The following CUL1 variants were observed in gnomAD, a reference collection of about 807,000 sequenced individuals.
CUL1 encodes the protein cullin 1.
Under a neutral mutation model 118.0 loss-of-function variants are expected in CUL1, and 24 were observed. That is an observed-to-expected ratio of 0.20 (90% CI 0.15 to 0.29). The LOEUF (loss-of-function observed/expected upper bound fraction) is 0.29, where lower values mean the gene tolerates loss of function less well. CUL1 is among the 10% of genes least tolerant of loss of function. CUL1 has a pLI of 1.00. For synonymous variants in CUL1, 332 were observed against 340.4 expected (o/e 0.98, Z 0.27); for missense variants, 361 against 933.8 (o/e 0.39, Z 7.99).
intron 16 of CUL1, 107 bp from the exon 17 acceptor site, chr7:148,792,619 G>A (rs1028486377): frequency 1.5e-6 from 1 of 647,844 alleles, no homozygotes; most frequent in Non-Finnish European, 2.5e-6. Context: ...CTTGTTTAAA[G>A]AATTTGTTTC....
chr7:148,798,804 C>A, intron 20 of CUL1, 127 bp downstream of exon 20: 1 of 776,822 alleles, frequency 1.3e-6, no homozygotes, highest in Non-Finnish European at 2.3e-6. Context: ...TCTGTGATGG[C>A]AGAAGGTGGC....
intron 1 of CUL1, among the ~76,000 whole-genome samples, chr7:148,726,696 A>T (rs924095227): frequency 6.6e-6 from 1 of 152,166 alleles, no homozygotes; most frequent in Non-Finnish European, 1.5e-5. Flanking sequence ...TAGTTTCTTC[A>T]TCTGAAGAGG....
rs573036521 is a variant in CUL1, at chr7:148,781,427, C to T, written c.1084-2356C>T. Among the ~76,000 whole-genome samples the T allele has an allele frequency of 3.3e-5, 5 of 152,236 alleles. No homozygotes were observed. The East Asian group carries it at 7.7e-4, about 24-fold the overall frequency. On this transcript the variant is annotated intron_variant, in intron 9 of 21. Transcript: ENST00000325222. ...TTCCTTTAGTAGGTTCCATGCAAGT[C>T]CTCCCATCTCACCAGCCAGACTGCT...
chr7:148,788,086 C>CAG (rs367865132), intron 13 of CUL1, among the ~76,000 whole-genome samples: 1 of 152,120 alleles, frequency 6.6e-6, no homozygotes, highest in African/African-American at 2.4e-5. Flanking sequence ...CCTCACGTGT[C>CAG]AGAGAGAGAG....
At chr7:148,751,458 C>A (rs1186230736) in intron 2 of CUL1, among the ~76,000 whole-genome samples, 1 of 149,794 alleles carries the variant, frequency 6.7e-6, no homozygotes, top group Non-Finnish European at 1.5e-5. Context: ...TCGCTTGATC[C>A]CGGGAGGCAG....
chr7:148,738,759 C>T (rs1398579328), intron 2 of CUL1, among the ~76,000 whole-genome samples: 2 of 152,034 alleles, frequency 1.3e-5, no homozygotes, highest in Non-Finnish European at 2.9e-5. Flanking sequence ...TTTGCTTTTT[C>T]TTATTTCATC....
intron 9 of CUL1, among the ~76,000 whole-genome samples, chr7:148,777,102 C>T (rs114525535): frequency 1.4e-4 from 22 of 152,166 alleles, no homozygotes; most frequent in Non-Finnish European, 2.6e-4. Context: ...GGACTTCAGC[C>T]TCACCTTGAA....
At chr7:148,716,166 C>CT (rs1363354044) in intron 1 of CUL1, among the ~76,000 whole-genome samples, 1 of 151,948 alleles carries the variant, frequency 6.6e-6, no homozygotes, top group Non-Finnish European at 1.5e-5. Context: ...CAACTTTTTG[C>CT]TTTTTTTAAT....
chr7:148,769,275 G>A (rs1800122598), intron 9 of CUL1, among the ~76,000 whole-genome samples: 2 of 152,086 alleles, frequency 1.3e-5, no homozygotes, highest in Non-Finnish European at 2.9e-5. Flanking sequence ...GCTCAGCAGT[G>A]ATGACTGCTG....
At chr7:148,709,227 G>A (rs1468359483) in intron 1 of CUL1, among the ~76,000 whole-genome samples, 1 of 152,218 alleles carries the variant, frequency 6.6e-6, no homozygotes, top group African/African-American at 2.4e-5. Context: ...TGACAATTGA[G>A]TACAGGCCAA....
chr7:148,756,467 C>T (rs1799661617), intron 3 of CUL1, among the ~76,000 whole-genome samples: 1 of 152,120 alleles, frequency 6.6e-6, no homozygotes, highest in South Asian at 2.1e-4. Flanking sequence ...TCCCAAGTAG[C>T]TGGGACTACA....
At chr7:148,783,627 T>A (rs760643324) in intron 9 of CUL1, 156 bp from the exon 10 acceptor site, 21 of 1,538,040 alleles carry the variant, frequency 1.4e-5, no homozygotes, top group Non-Finnish European at 1.7e-5. Context: ...GTTTCAACGA[T>A]GGTACCAAAA....
intron 19 of CUL1, 150 bp from the exon 20 acceptor site, chr7:148,798,422 A>G (rs560032679): frequency 7.9e-6 from 5 of 629,986 alleles, no homozygotes; most frequent in African/African-American, 1.8e-5. Context: ...TGCTGGGTAG[A>G]GGACATTTTC....
intron 9 of CUL1, among the ~76,000 whole-genome samples, chr7:148,769,970 G>T (rs1223443686): frequency 6.6e-6 from 1 of 152,218 alleles, no homozygotes; most frequent in African/African-American, 2.4e-5. Context: ...CCAAAGTAAG[G>T]TGCTAAATTG....
At chr7:148,745,207 T>C (rs1358537106) in intron 2 of CUL1, among the ~76,000 whole-genome samples, 1 of 152,202 alleles carries the variant, frequency 6.6e-6, no homozygotes, top group Non-Finnish European at 1.5e-5. Flanking sequence ...TTTGTTCTTT[T>C]TCATGGTTTC....
Position 148,759,574 on chromosome 7 carries a change from T to C in CUL1, c.561T>C (p.Ile187=). 1 of 1,611,084 alleles carries C rather than the reference T, an allele frequency of 6.2e-7. No homozygotes were observed. Among genetic ancestry groups the C allele is most frequent in the Non-Finnish European group, 8.5e-7 (1 of 1,177,828 alleles). The part of the protein sequence containing the change: ...KQVTNAVLKL[I]EKERNGETIN... The stretch of plus-strand genomic sequence containing the variant: ...TAACAAATGCTGTTTTAAAGCTGAT[T>C]GAAAAGGAAAGGAATGGTGAAACCA... The change falls in exon 6 of 22, where the codon ATT becomes ATC. Residue 187 remains isoleucine (I), a synonymous_variant. Transcript: ENST00000325222.
intron 9 of CUL1, among the ~76,000 whole-genome samples, chr7:148,775,400 CAT>C (rs1260454739): frequency 6.6e-6 from 1 of 152,174 alleles, no homozygotes; most frequent in African/African-American, 2.4e-5. Context: ...ATGAGAAACT[CAT>C]AGACTCTTAG....
intron 17 of CUL1, among the ~76,000 whole-genome samples, chr7:148,794,259 T>C (rs867464067): frequency 7.2e-5 from 11 of 152,296 alleles, no homozygotes; most frequent in African/African-American, 2.4e-5. Flanking sequence ...TATCTATTTT[T>C]TCTTTATATT....
intron 1 of CUL1, among the ~76,000 whole-genome samples, chr7:148,702,248 A>T (rs1797743039): frequency 6.6e-6 from 1 of 152,178 alleles, no homozygotes; most frequent in Non-Finnish European, 1.5e-5. Flanking sequence ...TCACTCATGG[A>T]GGTGTTTCAT....
Sources: gnomAD v4.1 joint callset for allele counts (sites outside exome capture counted in the v4.1 genomes callset) on GRCh38, gnomAD v4.1.1 for gene constraint, MANE v1.5 for transcripts, NCBI Gene and HGNC (gene_info 2026-07-23, HGNC 2026-07-21) for gene names.